SI: variants seen among roughly 807,000 people sequenced by gnomAD.
The protein encoded by SI is sucrase-isomaltase, intestinal.
Under a neutral mutation model 253.3 loss-of-function variants are expected in SI, and 235 were observed. The ratio of observed to expected loss-of-function variants is 0.93; its 90% CI spans 0.83 to 1.03. The LOEUF is 1.03. SI is among the 50% of genes least tolerant of loss of function. SI has a pLI of 0.00. For synonymous variants in SI, 819 were observed against 712.0 expected (o/e 1.15, Z -2.39); for missense variants, 2,442 against 2,211.1 (o/e 1.10, Z -2.09).
chr3:165,017,614 A>T lies in SI; in HGVS notation c.3693T>A (p.Tyr1231Ter), dbSNP rs748744612. ...YWALGFQLCRYGYANTSEVRE... is the reference protein window; with the variant it reads ...YWALGFQLCR ...GAACCTCTGAAGTATTTGCATATCC[A>T]TAACGACATAATTGGAATCCCAAAG... The change falls in exon 31 of 48, where the codon TAT (tyrosine) becomes TAA (stop). Residue 1231 changes from tyrosine to a stop codon, truncating the protein, a stop_gained. Coordinates refer to ENST00000264382, the MANE Select transcript of SI (RefSeq NM_001041.4). LOFTEE classifies it high-confidence loss of function. 6.2e-7 allele frequency: 1 copy of T among 1,612,882 alleles called. No homozygotes were observed. Among genetic ancestry groups the T allele is most frequent in the Non-Finnish European group, 8.5e-7 (1 of 1,179,092 alleles).
chr3:164,992,364 G>A lies in SI; in HGVS notation c.4875C>T (p.Phe1625=). 6.2e-7 allele frequency: 1 copy of A among 1,612,966 alleles called. No individual in the cohort carries two copies. Among genetic ancestry groups the A allele is most frequent in the East Asian group, 2.2e-5 (1 of 44,798 alleles). The change falls in exon 42 of 48, where the codon TTC becomes TTT. Residue 1625 remains phenylalanine, a synonymous_variant. Coordinates refer to ENST00000264382, the MANE Select transcript of SI (RefSeq NM_001041.4). Reference sequence around the variant, plus strand: ...ATGCTGGACCCCATAAGAACTGCTTGAATATATCCCAGGTTGGTTTTTCAT... The same window carrying A: ...ATGCTGGACCCCATAAGAACTGCTTAAATATATCCCAGGTTGGTTTTTCAT... The part of the protein sequence containing the change: ...FFDEKPTWDI[F]KQFLWGPAFM...
At chr3:165,080,222 C>A (rs1046316532), upstream of SI, among the ~76,000 whole-genome samples, 1 of 151,946 alleles carries the variant, frequency 6.6e-6, no homozygotes, top group Non-Finnish European at 1.5e-5. Context: ...CTGATAGATT[C>A]AAGAGAAATA....
intron 26 of SI, among the ~76,000 whole-genome samples, chr3:165,021,652 T>A (rs546186354): frequency 1.3e-4 from 20 of 151,756 alleles, no homozygotes; most frequent in African/African-American, 4.6e-4. Context: ...AAAACAAAAA[T>A]TTTAGAGCTA....
chr3:165,073,283 C>A (rs1380088718), intron 3 of SI, among the ~76,000 whole-genome samples: 1 of 151,714 alleles, frequency 6.6e-6, no homozygotes, highest in Admixed American at 6.6e-5. Context: ...GTCACCCAGG[C>A]TGGAATACAG....
intron 25 of SI, among the ~76,000 whole-genome samples, chr3:165,027,008 C>A (rs932733693): frequency 1.3e-5 from 2 of 151,068 alleles, no homozygotes; most frequent in African/African-American, 4.8e-5. Flanking sequence ...CAAAAAAATA[C>A]AAAAGACAAC....
chr3:165,028,256 A>G (rs911039646), intron 25 of SI, among the ~76,000 whole-genome samples: 2 of 151,486 alleles, frequency 1.3e-5, no homozygotes, highest in Non-Finnish European at 3.0e-5. Context: ...AAAGACCTCT[A>G]CAAGGAAAAC....
At chr3:165,053,600 T>C (rs891093329) in intron 13 of SI, among the ~76,000 whole-genome samples, 12 of 152,168 alleles carry the variant, frequency 7.9e-5, no homozygotes, top group African/African-American at 2.9e-4. Flanking sequence ...TTAGTTACAG[T>C]GCTTCTGTAG....
Position 165,007,910 on chromosome 3 carries a change from C to T in SI, c.4267+1G>A, listed in dbSNP as rs199897248. ...TCAAAGGCATACCAACAATATTGTA[C>T]CTGGGAAATAAGGTGGATAATTTAG... On this transcript the variant is annotated splice_donor_variant, in intron 36 of 47. Coordinates refer to ENST00000264382, the MANE Select transcript of SI (RefSeq NM_001041.4). LOFTEE classifies it high-confidence loss of function. The T allele has an allele frequency of 7.2e-6, 11 of 1,530,078 alleles. No individual in the cohort carries two copies. Among genetic ancestry groups the T allele is most frequent in the Non-Finnish European group, 9.9e-6 (11 of 1,107,056 alleles). The allele number at this position is 1,530,078 out of a possible 1,614,324, so 94.8% of individuals were successfully genotyped here.
At chr3:165,053,674 G>A (rs1368651157) in intron 13 of SI, among the ~76,000 whole-genome samples, 1 of 152,022 alleles carries the variant, frequency 6.6e-6, no homozygotes, top group African/African-American at 2.4e-5. Context: ...AGGTGAATCA[G>A]GAATTTCAGT....
At position 165,030,759 on chromosome 3, in the gene SI, A is replaced by C; in HGVS notation, c.2845T>G (p.Leu949Val). ...ERFNCYPDAD[L>V]ATEQKCTQRG... ...TGTGTGCACTTTTGTTCAGTTGCCA[A>C]ATCTGCATCTGGATAACAATTAAAT... is the stretch of plus-strand genomic sequence containing the variant. The change falls in exon 25 of 48, where the codon TTG (leucine) becomes GTG (valine). Residue 949 changes from leucine (L) to valine (V), a missense_variant. By Grantham distance (32) the Leu-to-Val change is conservative (BLOSUM62 1). Coordinates refer to ENST00000264382, the MANE Select transcript of SI (RefSeq NM_001041.4). The C allele has an allele frequency of 6.2e-7, 1 of 1,609,272 alleles. No individual in the cohort carries two copies. Among genetic ancestry groups the C allele is most frequent in the Non-Finnish European group, 8.5e-7 (1 of 1,176,970 alleles).
intron 15 of SI, among the ~76,000 whole-genome samples, chr3:165,048,104 T>A (rs956126201): frequency 6.6e-6 from 1 of 152,064 alleles, no homozygotes; most frequent in Non-Finnish European, 1.5e-5. Context: ...ACACCATGAA[T>A]ACAGTGGTTA....
intron 12 of SI, among the ~76,000 whole-genome samples, chr3:165,058,722 T>C (rs1221304016): frequency 6.6e-6 from 1 of 151,950 alleles, no homozygotes; most frequent in South Asian, 2.1e-4. Flanking sequence ...GATTAAACCA[T>C]GAAGAAATTT....
At position 164,998,530 on chromosome 3, in the gene SI, T is replaced by A; in HGVS notation, c.4540+10A>T. 1 of 1,611,600 alleles carries A rather than the reference T, an allele frequency of 6.2e-7. No individual in the cohort carries two copies. The highest frequency in any genetic ancestry group is 1.7e-5 in the Admixed American group (1 of 59,774). On this transcript the variant is annotated intron_variant, in intron 38 of 47. Coordinates refer to ENST00000264382, the MANE Select transcript of SI (RefSeq NM_001041.4). The stretch of plus-strand genomic sequence containing the variant: ...ACAAAATAATAATAAAGATGGTGAC[T>A]TTCACTTACCAATGATTGATTTGTC...
At position 165,033,409 on chromosome 3, in the gene SI, A is replaced by T; in HGVS notation, c.2551T>A (p.Phe851Ile). 1.3e-6 allele frequency: 2 copies of T among 1,557,810 alleles called. No homozygotes were observed. Among genetic ancestry groups the T allele is most frequent in the Non-Finnish European group, 1.7e-6 (2 of 1,148,364 alleles). The change falls in exon 23 of 48, where the codon TTT becomes ATT. Residue 851 changes from phenylalanine to isoleucine, a missense_variant. Coordinates refer to ENST00000264382, the MANE Select transcript of SI (RefSeq NM_001041.4). ...IQNGNYILYTFSVSNNTLDIV... is the reference protein window; with the variant it reads ...IQNGNYILYTISVSNNTLDIV... ...AGAGTGCTTACATTAGAAACTGAAA[A>T]TGTATATAATATGTAGTTGCCATTT...
Position 165,028,029 on chromosome 3 carries a change from T to C in SI, c.2892+2683A>G, listed in dbSNP as rs75216254. On this transcript the variant is annotated intron_variant, in intron 25 of 47. Transcript: ENST00000264382. ...TTTGCTGATGATATGATTGTTTACT[T>C]AGAAAACCCTAAAGACTCCTCCAAA... 1.2e-3 allele frequency among the ~76,000 whole-genome samples: 178 copies of C among 151,510 alleles called. 1 individual carries two copies. The East Asian group carries it at 0.027, about 23-fold the overall frequency.
Position 165,032,027 on chromosome 3 carries a change from G to T in SI, c.2736+495C>A, listed in dbSNP as rs1050323810. Among the ~76,000 whole-genome samples the T allele has an allele frequency of 1.3e-4, 20 of 151,068 alleles. No homozygotes were observed. The Admixed American group carries it at 1.3e-3, about 10-fold the overall frequency. ...ACAATATAAGGAAGGCTTTCTACAG[G>T]AGAAGAAAAGTGTAAACACAAAATT... On this transcript the variant is annotated intron_variant, in intron 24 of 47. Coordinates refer to ENST00000264382, the MANE Select transcript of SI (RefSeq NM_001041.4).
intron 32 of SI, among the ~76,000 whole-genome samples, 171 bp from the exon 33 acceptor site, chr3:165,015,404 C>T (rs1718978416): frequency 6.6e-6 from 1 of 152,032 alleles, no homozygotes. Flanking sequence ...CTCCAAATTT[C>T]TTAGAAGGAA....
At position 165,032,657 on chromosome 3, in the gene SI, A is replaced by G. The variant is rs1251363297; in HGVS notation, c.2601T>C (p.Tyr867=). 9 of 1,607,022 alleles carry G rather than the reference A, an allele frequency of 5.6e-6. No homozygotes were observed. The highest frequency in any genetic ancestry group is 7.7e-6 in the Non-Finnish European group (9 of 1,174,908). ...TLDIVCTHSS[Y]QEGTTLAFQT... Reference sequence around the variant, plus strand: ...GAAATGCTAAGGTAGTTCCTTCCTGATATGATGAATGTGTGCACACAATAT... The same window carrying G: ...GAAATGCTAAGGTAGTTCCTTCCTGGTATGATGAATGTGTGCACACAATAT... Residue 867 remains tyrosine (Y), a synonymous_variant, in exon 24 of 48, where the codon TAT becomes TAC. Transcript: ENST00000264382.
chr3:165,025,537 G>T (rs1184418776), intron 25 of SI, among the ~76,000 whole-genome samples: 1 of 151,162 alleles, frequency 6.6e-6, no homozygotes, highest in Non-Finnish European at 1.5e-5. Context: ...TCATTGCCTA[G>T]ACACATTGCT....
Sources: allele counts gnomAD v4.1 joint callset (sites outside exome capture counted in the v4.1 genomes callset), GRCh38; gene constraint gnomAD v4.1.1; transcripts MANE v1.5; gene names NCBI Gene and HGNC (gene_info 2026-07-23, HGNC 2026-07-21).